ACER3: variants seen among roughly 807,000 people sequenced by gnomAD.
ACER3 encodes alkCDase 3.
ACER3 carries 16 observed loss-of-function variants against 48.9 expected under a neutral mutation model. That is an observed-to-expected ratio of 0.33 (90% CI 0.22 to 0.50). ACER3 has a LOEUF of 0.50. Among genes scored for constraint, ACER3 ranks in the 20% least tolerant of loss-of-function variants. The pLI, the probability that ACER3 is intolerant of heterozygous loss-of-function variation, is 0.98. For synonymous variants in ACER3, 109 were observed against 107.8 expected (o/e 1.01, Z -0.07); for missense variants, 227 against 326.0 (o/e 0.70, Z 2.34).
At chr11:76,957,697 G>C (rs1190446774) in intron 2 of ACER3, 1 of 207,182 alleles carries the variant, frequency 4.8e-6, no homozygotes, top group East Asian at 1.4e-4. Flanking sequence ...GTCTGCCTCA[G>C]CCTCCAAAGT....
chr11:76,862,543 C>T (rs2134478853), intron 1 of ACER3, among the ~76,000 whole-genome samples: 1 of 152,142 alleles, frequency 6.6e-6, no homozygotes, highest in Non-Finnish European at 1.5e-5. Context: ...ACCATGACCA[C>T]GAGGAAAGAG....
intron 6 of ACER3, chr11:76,994,257 G>A: frequency 2.2e-6 from 1 of 447,318 alleles, no homozygotes; most frequent in Non-Finnish European, 4.4e-6. Flanking sequence ...AGCCACCCAG[G>A]TAGCTGGGAC....
chr11:76,905,071 C>T (rs1264093702), intron 1 of ACER3, among the ~76,000 whole-genome samples: 3 of 152,110 alleles, frequency 2.0e-5, no homozygotes, highest in African/African-American at 2.4e-5. Context: ...AGGCTGGTCT[C>T]GAACTCCTGA....
intron 2 of ACER3, among the ~76,000 whole-genome samples, chr11:76,952,687 G>GTTT (rs1947716301): frequency 2.3e-5 from 1 of 44,330 alleles, no homozygotes. Context: ...TTTTTTTTTA[G>GTTT]ACAGAGTCTC....
At chr11:76,934,056 C>T (rs1217842666) in intron 2 of ACER3, among the ~76,000 whole-genome samples, 6 of 151,922 alleles carry the variant, frequency 3.9e-5, no homozygotes, top group East Asian at 3.9e-4. Flanking sequence ...AATGGGCGGC[C>T]GGGCAGAGAC....
Position 76,998,504 on chromosome 11 carries a change from C to T in ACER3, c.439-259C>T, listed in dbSNP as rs567050924. The T allele has an allele frequency of 4.0e-5, 15 of 371,100 alleles. 1 individual carries two copies. In the South Asian group the frequency reaches 5.0e-4, roughly 12 times the overall value. 23.0% of individuals were successfully genotyped at this position (371,100 alleles called of 1,614,324 possible). A position where few individuals can be genotyped will look rare whatever the true frequency, so the allele number is the denominator to read the frequency against. ...AGGTTTCAGCAGATATTTAAAATTT[C>T]AAGGATCCATTCAGAATTAAAATTG... On this transcript the variant is annotated intron_variant, in intron 6 of 10. Transcript: ENST00000532485.
At chr11:76,962,273 A>G (rs1948016436) in intron 3 of ACER3, among the ~76,000 whole-genome samples, 1 of 115,698 alleles carries the variant, frequency 8.6e-6, no homozygotes, top group African/African-American at 3.7e-5. Flanking sequence ...GTGACACTGG[A>G]ATGTAGTGTG....
chr11:76,970,123 A>C (rs1948256952), intron 3 of ACER3, among the ~76,000 whole-genome samples: 3 of 152,006 alleles, frequency 2.0e-5, no homozygotes, highest in Non-Finnish European at 2.9e-5. Context: ...TTTAACCTTA[A>C]TCATGGGCAG....
intron 1 of ACER3, among the ~76,000 whole-genome samples, chr11:76,923,186 T>G (rs1349290774): frequency 1.3e-5 from 2 of 151,488 alleles, no homozygotes; most frequent in Non-Finnish European, 2.9e-5. Context: ...TGAGGTATAA[T>G]TGAGATACAA....
chr11:76,945,904 G>A (rs1565192436), intron 2 of ACER3, among the ~76,000 whole-genome samples: 1 of 152,294 alleles, frequency 6.6e-6, no homozygotes, highest in East Asian at 1.9e-4. Context: ...CAGGGTGATA[G>A]GTATTGTCCT....
At chr11:76,949,800 T>C (rs1257223141) in intron 2 of ACER3, among the ~76,000 whole-genome samples, 1 of 152,222 alleles carries the variant, frequency 6.6e-6, no homozygotes, top group Non-Finnish European at 1.5e-5. Flanking sequence ...CCTCTTTCTA[T>C]TCAACCATTT....
chr11:76,914,364 C>T (rs1946466895), intron 1 of ACER3, among the ~76,000 whole-genome samples: 1 of 151,990 alleles, frequency 6.6e-6, no homozygotes, highest in South Asian at 2.1e-4. Context: ...AAAAAACAAC[C>T]CCATCAAAAA....
chr11:76,966,985 C>CA lies in ACER3; in HGVS notation c.267+7960dup, dbSNP rs889961210. Among the ~76,000 whole-genome samples, 187 of 152,122 alleles carry CA rather than the reference C, an allele frequency of 1.2e-3. 1 individual carries two copies. The highest frequency in any genetic ancestry group is 4.4e-3 in the African/African-American group (182 of 41,464). ...AGCAGAACTGAAGGAGATAAAGACA[C>CA]AAAAAACCCTTCAAAAAATCAAAGA... On this transcript the variant is annotated intron_variant, in intron 3 of 10. Coordinates refer to ENST00000532485, the MANE Select transcript of ACER3 (RefSeq NM_018367.7).
chr11:76,944,599 A>G (rs1947428280), intron 2 of ACER3, among the ~76,000 whole-genome samples: 1 of 151,980 alleles, frequency 6.6e-6, no homozygotes, highest in South Asian at 2.1e-4. Context: ...TTTCCTTTAT[A>G]TTGACTAGAT....
At chr11:76,886,342 C>T (rs948839683) in intron 1 of ACER3, among the ~76,000 whole-genome samples, 1 of 152,142 alleles carries the variant, frequency 6.6e-6, no homozygotes, top group African/African-American at 2.4e-5. Flanking sequence ...TTGTGTTAGC[C>T]TTGTAGACCA....
In ACER3 at chr11:77,024,826, G is replaced by T. The variant is rs1307985000; in HGVS notation, c.*4499G>T. On this transcript the variant is annotated 3_prime_UTR_variant, in exon 11 of 11. Transcript: ENST00000532485. The stretch of plus-strand genomic sequence containing the variant: ...CTACCTGATTTCAAAGGCAGCTAGT[G>T]TAGAAGACTGGTCACAAGAATTTTT... The T allele has an allele frequency of 6.6e-6, 1 of 152,142 alleles. No individual in the cohort carries two copies. Among genetic ancestry groups the T allele is most frequent in the Non-Finnish European group, 1.5e-5 (1 of 68,016 alleles). The allele number at this position is 152,142 out of a possible 1,614,324, so 9.4% of individuals were successfully genotyped here. A position where few individuals can be genotyped will look rare whatever the true frequency, so the allele number is the denominator to read the frequency against.
chr11:76,950,498 G>C (rs12222780), intron 2 of ACER3, among the ~76,000 whole-genome samples: 15,629 of 147,846 alleles, frequency 0.11, 1,041 homozygotes, highest in East Asian at 0.35. Context: ...ATCTCACTCT[G>C]TCACTCTGGC....
chr11:76,923,726 T>C (rs559455614), intron 1 of ACER3, among the ~76,000 whole-genome samples: 2 of 152,330 alleles, frequency 1.3e-5, no homozygotes, highest in Admixed American at 6.5e-5. Flanking sequence ...AGCTATTCCC[T>C]ATTACTGAGG....
intron 1 of ACER3, among the ~76,000 whole-genome samples, chr11:76,897,620 C>G (rs1441413566): frequency 1.3e-5 from 2 of 152,080 alleles, no homozygotes; most frequent in African/African-American, 4.8e-5. Context: ...AGCTGTCAAG[C>G]TTATTGTGGT....
Sources: allele counts gnomAD v4.1 joint callset (sites outside exome capture counted in the v4.1 genomes callset), GRCh38; gene constraint gnomAD v4.1.1; transcripts MANE v1.5; gene names NCBI Gene and HGNC (gene_info 2026-07-23, HGNC 2026-07-21).